The following PIWIL1 variants were observed in gnomAD, a reference collection of about 807,000 sequenced individuals.
PIWIL1 encodes the protein piwi like RNA-mediated gene silencing 1, also known as piwi-like protein 1.
Under a neutral mutation model 114.4 loss-of-function variants are expected in PIWIL1, and 73 were observed. That is an observed-to-expected ratio of 0.64 (90% CI 0.53 to 0.78). The LOEUF is 0.78. Among genes scored for constraint, PIWIL1 ranks in the 30% least tolerant of loss-of-function variants. The pLI, the probability that PIWIL1 is intolerant of heterozygous loss-of-function variation, is 0.00. For missense variants in PIWIL1, 723 were observed against 1,063.1 expected (o/e 0.68, Z 4.45); for synonymous variants, 375 against 369.0 (o/e 1.02, Z -0.19).
chr12:130,411,924 A>G, the PIWIL1 span, among the ~76,000 whole-genome samples: 1 of 152,200 alleles, frequency 6.6e-6, no homozygotes, highest in Non-Finnish European at 1.5e-5. Flanking sequence ...AAGCTAATCA[A>G]GTTTTGAAGT....
the PIWIL1 span, chr12:130,412,674 C>T: frequency 4.2e-5 from 68 of 1,613,870 alleles, no homozygotes; most frequent in Non-Finnish European, 5.7e-5. Context: ...GAAGCTGATC[C>T]ATCATCTCCT....
rs143289792 is a variant in PIWIL1, at chr12:130,358,430, A to G, written c.1665+877A>G. On this transcript the variant is annotated intron_variant, in intron 14 of 20. Coordinates refer to ENST00000245255, the MANE Select transcript of PIWIL1 (RefSeq NM_004764.5). ...ACATCCCGGCTCAGCCATTTGCCTG[A>G]TCTTCATCAAGTGCTTCTGGCTTTA... 1.3e-3 allele frequency among the ~76,000 whole-genome samples: 198 copies of G among 152,288 alleles called. 1 individual carries two copies. Among genetic ancestry groups the G allele is most frequent in the African/African-American group, 4.5e-3 (185 of 41,558 alleles).
intron 1 of PIWIL1, among the ~76,000 whole-genome samples, chr12:130,340,847 T>C (rs1367562403): frequency 6.6e-6 from 1 of 152,204 alleles, no homozygotes; most frequent in Non-Finnish European, 1.5e-5. Context: ...TTAGTTGTAA[T>C]ATGCTGGCAC....
intron 14 of PIWIL1, among the ~76,000 whole-genome samples, chr12:130,359,167 T>G (rs1015833214): frequency 6.6e-6 from 1 of 152,160 alleles, no homozygotes; most frequent in Admixed American, 6.5e-5. Context: ...AGTGCCATAG[T>G]TTTCTTGTAA....
chr12:130,409,944 C>T, the PIWIL1 span, among the ~76,000 whole-genome samples: 1 of 152,190 alleles, frequency 6.6e-6, no homozygotes. Flanking sequence ...ATTGTAAGTG[C>T]ACATATAACT....
chr12:130,401,643 T>A, the PIWIL1 span, among the ~76,000 whole-genome samples: 1 of 152,030 alleles, frequency 6.6e-6, no homozygotes, highest in South Asian at 2.1e-4. Context: ...TCTGTTGACA[T>A]TACAGACTAT....
At chr12:130,425,392 T>C in the PIWIL1 span, 121,679 of 152,756 alleles carry the variant, frequency 0.8, 48,636 homozygotes, top group South Asian at 0.91. Flanking sequence ...CTAGTTAGGC[T>C]GACGTGTCAC....
chr12:130,362,933 A>G, intron 17 of PIWIL1, 58 bp from the exon 18 acceptor site: 1 of 1,612,120 alleles, frequency 6.2e-7, no homozygotes, highest in Non-Finnish European at 8.5e-7. Context: ...CTTTGGGAAG[A>G]ACAGACGAGT....
chr12:130,399,921 T>C, the PIWIL1 span: 3 of 1,292,956 alleles, frequency 2.3e-6, no homozygotes, highest in East Asian at 7.1e-5. Context: ...GTGAGTTTAT[T>C]CTGGTTCAAA....
intron 3 of PIWIL1, among the ~76,000 whole-genome samples, chr12:130,343,708 C>G (rs527599408): frequency 1.2e-4 from 18 of 149,546 alleles, no homozygotes; most frequent in African/African-American, 4.4e-4. Flanking sequence ...TCACTGCAGA[C>G]TCCACCTCCT....
intron 1 of PIWIL1, among the ~76,000 whole-genome samples, chr12:130,338,818 C>G (rs1378685647): frequency 1.2e-5 from 1 of 86,046 alleles, no homozygotes; most frequent in East Asian, 4.2e-4. Context: ...CGGGGGGAAG[C>G]GCTGAGGCCC....
chr12:130,412,526 T>G, the PIWIL1 span: 34 of 1,161,646 alleles, frequency 2.9e-5, no homozygotes, highest in African/African-American at 4.8e-4. Flanking sequence ...ATGATGCAAT[T>G]TGGGGTCTCC....
downstream of PIWIL1, among the ~76,000 whole-genome samples, chr12:130,376,221 C>T (rs1391638388): frequency 6.6e-6 from 1 of 152,202 alleles, no homozygotes; most frequent in Non-Finnish European, 1.5e-5. Flanking sequence ...TGACACTCTT[C>T]AATTACTGAG....
chr12:130,424,310 G>C, the PIWIL1 span: 28 of 1,231,536 alleles, frequency 2.3e-5, no homozygotes, highest in East Asian at 5.7e-4. The surrounding 1 kb of genome is among the most constrained non-coding windows in gnomAD (Gnocchi z 9.8). Flanking sequence ...GCTGGGGGTC[G>C]TCGTTCCTGA....
At chr12:130,421,119 ATT>A in the PIWIL1 span, 1 of 152,176 alleles carries the variant, frequency 6.6e-6, no homozygotes, top group Non-Finnish European at 1.5e-5. Flanking sequence ...CGGACAGGTC[ATT>A]TAACATGAAA....
At chr12:130,404,374 C>A in the PIWIL1 span, among the ~76,000 whole-genome samples, 2 of 152,182 alleles carry the variant, frequency 1.3e-5, no homozygotes, top group East Asian at 1.9e-4. Flanking sequence ...CTCAGCTCAC[C>A]GCAACCTCCA....
chr12:130,392,615 C>CGT, the PIWIL1 span, among the ~76,000 whole-genome samples: 277 of 19,020 alleles, frequency 0.015, no homozygotes, highest in African/African-American at 0.033. Flanking sequence ...ACCGTCATCA[C>CGT]GTGTCTGTCA....
intron 9 of PIWIL1, chr12:130,351,245 C>T (rs1374355366): frequency 6.6e-6 from 1 of 152,216 alleles, no homozygotes; most frequent in Non-Finnish European, 1.5e-5. Context: ...TGGAACCTCT[C>T]CCCTTCCCTG....
intron 7 of PIWIL1, 98 bp downstream of exon 7, chr12:130,348,281 G>A (rs1241532631): frequency 1.1e-5 from 7 of 644,940 alleles, no homozygotes; most frequent in African/African-American, 1.8e-5. Context: ...TACAGTGACT[G>A]TTAATGCCGC....
Sources: gnomAD v4.1 joint callset for allele counts (sites outside exome capture counted in the v4.1 genomes callset) on GRCh38, gnomAD v4.1.1 for gene constraint, Gnocchi (gnomAD v3.1) non-coding constraint, MANE v1.5 for transcripts, NCBI Gene and HGNC (gene_info 2026-07-23, HGNC 2026-07-21) for gene names.